The following ARHGEF28 variants were observed in gnomAD, a reference collection of about 807,000 sequenced individuals.
ARHGEF28 encodes Rho guanine nucleotide exchange factor 28, also known as 190 kDa guanine nucleotide exchange factor.
Under a neutral mutation model 206.6 loss-of-function variants are expected in ARHGEF28, and 152 were observed. The ratio of observed to expected loss-of-function variants is 0.74; its 90% CI spans 0.64 to 0.84. The LOEUF is 0.84. Ranked by LOEUF, ARHGEF28 falls within the 40% of genes least tolerant of loss-of-function variation. ARHGEF28 has a pLI of 0.00. For missense variants in ARHGEF28, 2,028 were observed against 2,073.2 expected, an observed-to-expected ratio of 0.98 and a Z score of 0.42; for synonymous variants, 763 against 776.4, an observed-to-expected ratio of 0.98 and a Z score of 0.29.
intron 14 of ARHGEF28, among the ~76,000 whole-genome samples, chr5:73,856,334 TC>T (rs1362623567): frequency 6.6e-6 from 1 of 152,230 alleles, no homozygotes; most frequent in African/African-American, 2.4e-5. Context: ...CACTTCCTTT[TC>T]CTTCTGCCTT....
At chr5:73,664,995 A>G (rs1193856451) in intron 1 of ARHGEF28, among the ~76,000 whole-genome samples, 1 of 152,160 alleles carries the variant, frequency 6.6e-6, no homozygotes, top group Non-Finnish European at 1.5e-5. Context: ...CTTCTAGTTC[A>G]GCACCAAGGC....
chr5:73,894,617 A>T lies in ARHGEF28; in HGVS notation c.3841+42A>T, dbSNP rs189286415. On this transcript the variant is annotated intron_variant, in intron 29 of 35. Coordinates refer to ENST00000513042, the MANE Select transcript of ARHGEF28 (RefSeq NM_001177693.2). ...AGGGTTTGGGTCGACACGTTCAGAA[A>T]ATGTTTATTGAACACCTGCTAAGTG... 1,847 of 1,594,842 alleles carry T rather than the reference A, an allele frequency of 1.2e-3. 1 individual carries two copies. The highest frequency in any genetic ancestry group is 1.3e-3 in the Non-Finnish European group (1,509 of 1,170,410).
chr5:73,772,608 G>T (rs982930121), intron 4 of ARHGEF28, among the ~76,000 whole-genome samples: 42 of 152,146 alleles, frequency 2.8e-4, no homozygotes, highest in Admixed American at 7.9e-4. Flanking sequence ...TGAGCTCCTG[G>T]GCTCAAGTGA....
chr5:73,741,385 G>GTATGTA (rs1751412178), intron 2 of ARHGEF28, among the ~76,000 whole-genome samples: 3 of 21,862 alleles, frequency 1.4e-4, no homozygotes, highest in African/African-American at 7.6e-4. Flanking sequence ...GTGTGTGTGT[G>GTATGTA]TATATATATA....
chr5:73,876,629 A>G (rs1760508723), intron 22 of ARHGEF28, among the ~76,000 whole-genome samples: 1 of 148,530 alleles, frequency 6.7e-6, no homozygotes, highest in African/African-American at 2.5e-5. Flanking sequence ...TTTTAGCATG[A>G]AGGGTTGTTG....
intron 11 of ARHGEF28, among the ~76,000 whole-genome samples, chr5:73,845,842 G>A (rs1308882676): frequency 1.3e-5 from 2 of 151,800 alleles, no homozygotes; most frequent in Non-Finnish European, 2.9e-5. Flanking sequence ...ACAAAAATTG[G>A]CCGGGCGTGG....
chr5:73,895,857 A>G (rs922938881), intron 29 of ARHGEF28, among the ~76,000 whole-genome samples: 3 of 152,202 alleles, frequency 2.0e-5, no homozygotes, highest in African/African-American at 7.2e-5. Context: ...GAATTTCAGA[A>G]TATTAGCTCT....
intron 1 of ARHGEF28, among the ~76,000 whole-genome samples, chr5:73,679,962 T>C (rs1216229081): frequency 6.6e-6 from 1 of 152,204 alleles, no homozygotes; most frequent in Non-Finnish European, 1.5e-5. Flanking sequence ...GTTGATTGAT[T>C]AATGTCCCAT....
At position 73,683,034 on chromosome 5, in the gene ARHGEF28, A is replaced by G. The variant is rs1368593561; in HGVS notation, c.-11-1807A>G. Among the ~76,000 whole-genome samples, 3 of 152,038 alleles carry G rather than the reference A, an allele frequency of 2.0e-5. No individual in the cohort carries two copies. The East Asian group carries it at 5.8e-4, about 29-fold the overall frequency. Reference sequence around the variant, plus strand: ...CTTGGAACTCCTTGAGGGCTGGACCACTTTCTGGTGGACCCAGAAGGCATG... The same window carrying G: ...CTTGGAACTCCTTGAGGGCTGGACCGCTTTCTGGTGGACCCAGAAGGCATG... On this transcript the variant is annotated intron_variant, in intron 1 of 35. Transcript: ENST00000513042.
intron 2 of ARHGEF28, among the ~76,000 whole-genome samples, chr5:73,704,140 G>A (rs6878052): frequency 0.33 from 49,995 of 151,900 alleles, 9,077 homozygotes; most frequent in African/African-American, 0.48. Context: ...TTGCTGGGAG[G>A]TCTATGCTTC....
intron 24 of ARHGEF28, 139 bp from the exon 25 acceptor site, chr5:73,885,711 C>G: frequency 1.0e-6 from 1 of 998,304 alleles, no homozygotes; most frequent in Non-Finnish European, 1.4e-6. Flanking sequence ...TAAGTTTAAT[C>G]CAACATTTTT....
chr5:73,857,921 C>T, intron 15 of ARHGEF28, 142 bp downstream of exon 15: 1 of 1,373,988 alleles, frequency 7.3e-7, no homozygotes, highest in South Asian at 1.5e-5. Context: ...TGCTAAAGCC[C>T]AGAATATAAC....
At chr5:73,698,233 G>A (rs115299797) in intron 2 of ARHGEF28, among the ~76,000 whole-genome samples, 1,543 of 152,186 alleles carry the variant, frequency 0.01, 23 homozygotes, top group African/African-American at 0.035. Context: ...GAAATTGAAT[G>A]GAAAGAGAAA....
intron 30 of ARHGEF28, 121 bp from the exon 31 acceptor site, chr5:73,901,063 T>G: frequency 1.4e-6 from 1 of 712,726 alleles, no homozygotes; most frequent in East Asian, 2.9e-5. Flanking sequence ...ATACTCAATA[T>G]GTATTATTTT....
At chr5:73,930,664 G>T (rs918556399) in intron 35 of ARHGEF28, among the ~76,000 whole-genome samples, 2 of 152,164 alleles carry the variant, frequency 1.3e-5, no homozygotes, top group African/African-American at 4.8e-5. Flanking sequence ...TGACTATGCT[G>T]TTCCATCCTA....
rs1745301765 is a variant in ARHGEF28 at position 73,657,587 on chromosome 5, A to G, written c.-11-27254A>G. Among the ~76,000 whole-genome samples the G allele has an allele frequency of 1.3e-5, 2 of 152,188 alleles. 1 individual carries two copies. Among genetic ancestry groups the G allele is most frequent in the Admixed American group, 1.3e-4 (2 of 15,288 alleles). ...AAGTGTTTCATAATATTGAATGGTG[A>G]GCCTATGTCCAATGAAACTTTAACT... On this transcript the variant is annotated intron_variant, in intron 1 of 35. Coordinates refer to ENST00000513042, the MANE Select transcript of ARHGEF28 (RefSeq NM_001177693.2).
At chr5:73,813,361 C>T (rs1755960865) in intron 9 of ARHGEF28, 20 of 417,276 alleles carry the variant, frequency 4.8e-5, no homozygotes, top group Non-Finnish European at 5.8e-5. Flanking sequence ...CCTTTACTTC[C>T]CTAGTTTGGC....
intron 1 of ARHGEF28, among the ~76,000 whole-genome samples, chr5:73,671,694 T>TTATATGATTATA (rs1746308106): frequency 1.3e-5 from 1 of 76,110 alleles, no homozygotes; most frequent in Non-Finnish European, 2.5e-5. Context: ...TTGAACTTGA[T>TTATATGATTATA]TATATATATA....
At chr5:73,796,179 G>T (rs1754794424) in intron 9 of ARHGEF28, among the ~76,000 whole-genome samples, 3 of 152,212 alleles carry the variant, frequency 2.0e-5, no homozygotes, top group Admixed American at 2.0e-4. Flanking sequence ...TATCAGCAGA[G>T]GCTGAGTTTG....
Sources: gnomAD v4.1 joint callset for allele counts (sites outside exome capture counted in the v4.1 genomes callset) on GRCh38, gnomAD v4.1.1 for gene constraint, MANE v1.5 for transcripts, NCBI Gene and HGNC (gene_info 2026-07-23, HGNC 2026-07-21) for gene names.